The following ARHGAP15 variants were observed in gnomAD, a reference collection of about 807,000 sequenced individuals.
The protein encoded by ARHGAP15 is rho GTPase-activating protein 15.
A neutral mutation model predicts 63.7 loss-of-function variants in ARHGAP15; 51 were observed. The ratio of observed to expected loss-of-function variants is 0.80; its 90% confidence interval spans 0.64 to 1.01. The LOEUF (loss-of-function observed/expected upper bound fraction) is 1.01, where lower values mean the gene tolerates loss of function less well. Among genes scored for constraint, ARHGAP15 ranks in the 50% least tolerant of loss-of-function variants. The probability of loss-of-function intolerance (pLI) is 0.00; values close to 1 mark genes in which losing one functional copy is unlikely to be tolerated. For synonymous variants in ARHGAP15, 191 were observed against 193.8 expected, an observed-to-expected ratio of 0.99 and a Z score of 0.12; for missense variants, 560 against 564.6, an observed-to-expected ratio of 0.99 and a Z score of 0.08.
At position 143,328,645 on chromosome 2, in the gene ARHGAP15, G is replaced by A. The variant is rs144504482; in HGVS notation, c.474+78045G>A. On this transcript the variant is annotated intron_variant, in intron 6 of 13. Coordinates refer to ENST00000295095, the MANE Select transcript of ARHGAP15 (RefSeq NM_018460.4). ...AAATACCTAATGTATGTGACGAGTTGATGGGTGCAGCAAACCACCATGGCA... is the reference window on the plus strand; with the variant it reads ...AAATACCTAATGTATGTGACGAGTTAATGGGTGCAGCAAACCACCATGGCA... Among the ~76,000 whole-genome samples, 305 of 152,172 alleles carry A rather than the reference G, an allele frequency of 2.0e-3. 1 individual carries two copies. The highest frequency in any genetic ancestry group is 0.014 in the Middle Eastern group (4 of 294).
At chr2:143,536,927 C>T (rs940562214) in intron 10 of ARHGAP15, among the ~76,000 whole-genome samples, 53 of 152,024 alleles carry the variant, frequency 3.5e-4, no homozygotes, top group African/African-American at 1.2e-3. Flanking sequence ...TTTCTAGTTC[C>T]AGATCCCTGA....
At chr2:143,306,835 C>T (rs1683196234) in intron 6 of ARHGAP15, among the ~76,000 whole-genome samples, 1 of 152,136 alleles carries the variant, frequency 6.6e-6, no homozygotes. Context: ...AATTAGTTTT[C>T]TATTGCTACA....
intron 6 of ARHGAP15, among the ~76,000 whole-genome samples, chr2:143,421,697 T>G (rs1469447702): frequency 6.6e-6 from 1 of 151,554 alleles, no homozygotes; most frequent in Admixed American, 6.6e-5. Flanking sequence ...AAGGGAGGTA[T>G]TATTAAATAA....
intron 6 of ARHGAP15, among the ~76,000 whole-genome samples, chr2:143,260,816 C>T (rs997074939): frequency 1.3e-5 from 2 of 152,144 alleles, no homozygotes; most frequent in African/African-American, 2.4e-5. Context: ...GAATGTTGCT[C>T]ATCTTCTCTA....
At chr2:143,415,579 TTGA>T (rs919424356) in intron 6 of ARHGAP15, among the ~76,000 whole-genome samples, 1 of 152,182 alleles carries the variant, frequency 6.6e-6, no homozygotes, top group Non-Finnish European at 1.5e-5. Flanking sequence ...ACCTATCATG[TTGA>T]TAAATATTAA....
At chr2:143,506,174 C>T (rs1693303306) in intron 9 of ARHGAP15, among the ~76,000 whole-genome samples, 1 of 152,130 alleles carries the variant, frequency 6.6e-6, no homozygotes, top group South Asian at 2.1e-4. Flanking sequence ...TTACTTTAAT[C>T]TAGAGTGAGT....
intron 11 of ARHGAP15, among the ~76,000 whole-genome samples, chr2:143,610,889 C>T (rs554432048): frequency 4.6e-5 from 7 of 151,994 alleles, no homozygotes; most frequent in East Asian, 1.9e-4. Flanking sequence ...CCATCATGTC[C>T]GGCTAATTTT....
At chr2:143,138,474 T>C (rs1409084833) in intron 1 of ARHGAP15, among the ~76,000 whole-genome samples, 2 of 152,142 alleles carry the variant, frequency 1.3e-5, no homozygotes, top group Non-Finnish European at 2.9e-5. Flanking sequence ...AAAAGAATCC[T>C]ACTTTGTTTG....
At chr2:143,652,250 G>T (rs571811706) in intron 12 of ARHGAP15, among the ~76,000 whole-genome samples, 1 of 152,102 alleles carries the variant, frequency 6.6e-6, no homozygotes, top group East Asian at 1.9e-4. Flanking sequence ...AGGGCTTGTA[G>T]GCCATATGGT....
At chr2:143,678,073 A>G (rs960953233) in intron 12 of ARHGAP15, among the ~76,000 whole-genome samples, 4 of 152,108 alleles carry the variant, frequency 2.6e-5, no homozygotes, top group African/African-American at 4.8e-5. Flanking sequence ...TTAGCCAGGC[A>G]TGGTGGTGCA....
At chr2:143,645,720 C>G (rs766210275) in intron 12 of ARHGAP15, among the ~76,000 whole-genome samples, 6 of 151,922 alleles carry the variant, frequency 3.9e-5, no homozygotes, top group Non-Finnish European at 5.9e-5. Flanking sequence ...TCAAATTCCG[C>G]GATACTATTG....
intron 11 of ARHGAP15, among the ~76,000 whole-genome samples, chr2:143,609,964 G>C (rs1487945238): frequency 6.6e-6 from 1 of 152,156 alleles, no homozygotes; most frequent in Non-Finnish European, 1.5e-5. Context: ...CTTCCTTTGG[G>C]CTTTAAAGAA....
At chr2:143,421,954 T>A (rs1688942781) in intron 6 of ARHGAP15, among the ~76,000 whole-genome samples, 1 of 152,042 alleles carries the variant, frequency 6.6e-6, no homozygotes. Context: ...CTTCTTAACA[T>A]GTTTCATGAA....
At chr2:143,550,577 T>C (rs1695514769) in intron 10 of ARHGAP15, among the ~76,000 whole-genome samples, 1 of 152,324 alleles carries the variant, frequency 6.6e-6, no homozygotes, top group Admixed American at 6.5e-5. Context: ...GTTAATAATC[T>C]CTGTAGCCAG....
rs2072978635 is a variant in ARHGAP15 at position 143,768,043 on chromosome 2, A to G, written c.1299A>G (p.Val433=). 2 of 1,613,610 alleles carry G rather than the reference A, an allele frequency of 1.2e-6. No individual in the cohort carries two copies. The highest frequency in any genetic ancestry group is 3.3e-5 in the Admixed American group (2 of 59,970). ...TGTCCACGCAAAGCTTGGGGATTGT[A>G]TTTGGACCTACCCTTCTGCGAGCTG... ...NLMSTQSLGI[V]FGPTLLRAEN... Residue 433 remains valine (V), a synonymous_variant, in exon 14 of 14, where the codon GTA becomes GTG. Coordinates refer to ENST00000295095, the MANE Select transcript of ARHGAP15 (RefSeq NM_018460.4).
At chr2:143,756,359 A>T (rs570927080) in intron 13 of ARHGAP15, among the ~76,000 whole-genome samples, 1 of 152,320 alleles carries the variant, frequency 6.6e-6, no homozygotes, top group African/African-American at 2.4e-5. Context: ...TTCTGTCTAA[A>T]ATATTACTAG....
intron 13 of ARHGAP15, among the ~76,000 whole-genome samples, chr2:143,763,325 G>A (rs1395407980): frequency 1.3e-5 from 2 of 152,094 alleles, no homozygotes; most frequent in Admixed American, 6.6e-5. Flanking sequence ...GAATACGTAA[G>A]CTTCCATTTG....
intron 12 of ARHGAP15, among the ~76,000 whole-genome samples, chr2:143,690,972 C>G (rs1029406849): frequency 6.6e-6 from 1 of 152,138 alleles, no homozygotes; most frequent in Non-Finnish European, 1.5e-5. Flanking sequence ...GTTCATCACA[C>G]AATTAACACT....
intron 10 of ARHGAP15, 63 bp from the exon 11 acceptor site, chr2:143,556,344 GA>G (rs1234356964): frequency 2.4e-6 from 3 of 1,269,336 alleles, no homozygotes; most frequent in Non-Finnish European, 3.3e-6. Context: ...TCTTTTCATA[GA>G]TTTTTTTTAA....
Sources: gnomAD v4.1 joint callset for allele counts (sites outside exome capture counted in the v4.1 genomes callset) on GRCh38, gnomAD v4.1.1 for gene constraint, MANE v1.5 for transcripts, NCBI Gene and HGNC (gene_info 2026-07-23, HGNC 2026-07-21) for gene names.